BRAP: variants seen among roughly 807,000 people sequenced by gnomAD.
BRAP encodes the protein BRCA1 associated protein.
BRAP carries 42 observed loss-of-function variants against 73.4 expected under a neutral mutation model. That is an observed-to-expected ratio of 0.57 (90% CI 0.45 to 0.74). The LOEUF (loss-of-function observed/expected upper bound fraction) is 0.74, where lower values mean the gene tolerates loss of function less well. BRAP is among the 30% of genes least tolerant of loss of function. The pLI is 0.00. For synonymous variants in BRAP, 255 were observed against 267.4 expected (o/e 0.95, Z 0.45); for missense variants, 593 against 751.4 (o/e 0.79, Z 2.46).
intron 6 of BRAP, among the ~76,000 whole-genome samples, chr12:111,664,523 G>A (rs1006078326): frequency 5.3e-5 from 8 of 152,164 alleles, no homozygotes; most frequent in Admixed American, 3.9e-4. Flanking sequence ...AGGACTCCAC[G>A]GAATTGGAGC....
chr12:111,678,119 G>A (rs1566128533), intron 4 of BRAP, among the ~76,000 whole-genome samples: 2 of 151,992 alleles, frequency 1.3e-5, no homozygotes, highest in Non-Finnish European at 2.9e-5. Flanking sequence ...AGGCATGGTG[G>A]TGCATGCCTA....
At chr12:111,657,661 C>T (rs943710837) in intron 9 of BRAP, among the ~76,000 whole-genome samples, 1 of 151,994 alleles carries the variant, frequency 6.6e-6, no homozygotes, top group African/African-American at 2.4e-5. Flanking sequence ...AGGCGGACCA[C>T]GAGGTCAGGA....
chr12:111,664,873 T>C (rs1886882187), intron 6 of BRAP, among the ~76,000 whole-genome samples: 1 of 152,228 alleles, frequency 6.6e-6, no homozygotes. Flanking sequence ...ACTTCTCAGG[T>C]GGTCCTGGCT....
chr12:111,654,942 G>GT (rs1385828566), intron 10 of BRAP, among the ~76,000 whole-genome samples: 2 of 152,312 alleles, frequency 1.3e-5, no homozygotes, highest in Non-Finnish European at 1.5e-5. Context: ...ATGCTTACTA[G>GT]TTTTCAGACT....
intron 6 of BRAP, among the ~76,000 whole-genome samples, chr12:111,664,898 G>A (rs948072376): frequency 6.6e-6 from 1 of 152,128 alleles, no homozygotes; most frequent in Non-Finnish European, 1.5e-5. Flanking sequence ...TAGGGCCCCA[G>A]TTCTCAGTCC....
chr12:111,647,888 C>T (rs1478279259), intron 11 of BRAP, among the ~76,000 whole-genome samples: 1 of 147,844 alleles, frequency 6.8e-6, no homozygotes, highest in Non-Finnish European at 1.5e-5. Flanking sequence ...GAAACTCCGT[C>T]TCAAAAAAAA....
chr12:111,659,478 A>C, intron 7 of BRAP, 133 bp from the exon 8 acceptor site: 1 of 695,876 alleles, frequency 1.4e-6, no homozygotes, highest in Non-Finnish European at 2.2e-6. Flanking sequence ...ACATGATGAA[A>C]CCCCATCTCT....
Position 111,649,981 on chromosome 12 carries a change from T to G in BRAP, c.1373A>C (p.Lys458Thr). The G allele has an allele frequency of 6.2e-7, 1 of 1,612,508 alleles. No individual in the cohort carries two copies. The highest frequency in any genetic ancestry group is 8.5e-7 in the Non-Finnish European group (1 of 1,178,806). The part of the protein sequence containing the change: ...TIEKCDNLEH[K>T]LNDLLKEKQS... ...CTTTTCTTTTAGGAGATCATTTAGTTTGTGCTCTAGATTATCACACTTCTC... is the reference window on the plus strand; with the variant it reads ...CTTTTCTTTTAGGAGATCATTTAGTGTGTGCTCTAGATTATCACACTTCTC... Residue 458 changes from lysine (K) to threonine (T), a missense_variant, in exon 11 of 12, where the codon AAA becomes ACA. By Grantham distance (78) the Lys-to-Thr change is moderately conservative. This residue lies in a region of BRAP where 143 missense variants were observed against 190.4 expected (regional missense o/e 0.75). Coordinates refer to ENST00000419234, the MANE Select transcript of BRAP (RefSeq NM_006768.5).
intron 9 of BRAP, among the ~76,000 whole-genome samples, chr12:111,657,205 A>G (rs138957407): frequency 0.012 from 1,763 of 152,098 alleles, 16 homozygotes; most frequent in Non-Finnish European, 0.018. Flanking sequence ...CACCACACCC[A>G]ACTAATTTTT....
At chr12:111,667,861 G>A (rs1306864944) in intron 5 of BRAP, among the ~76,000 whole-genome samples, 3 of 151,812 alleles carry the variant, frequency 2.0e-5, no homozygotes, top group Non-Finnish European at 4.4e-5. Flanking sequence ...TGTGCTTTTT[G>A]AGAGGCCATT....
At chr12:111,676,686 G>A (rs1887393950) in intron 4 of BRAP, among the ~76,000 whole-genome samples, 3 of 152,268 alleles carry the variant, frequency 2.0e-5, no homozygotes, top group Admixed American at 2.0e-4. Flanking sequence ...AAAGTGCTGG[G>A]ATTAAAGGCA....
At chr12:111,644,617 C>T (rs1332987791) in intron 11 of BRAP, 55 bp from the exon 12 acceptor site, 2 of 1,578,644 alleles carry the variant, frequency 1.3e-6, no homozygotes, top group East Asian at 2.2e-5. Flanking sequence ...GACACAGTCC[C>T]CTTTCTGCTC....
At position 111,644,007 on chromosome 12, in the gene BRAP, C is replaced by G; in HGVS notation, c.*192G>C. ...CTTAAGACCTTTTCGAACGCAGCGC[C>G]TTTCTATCAGCTCTCCAGTCAGCAC... On this transcript the variant is annotated 3_prime_UTR_variant, in exon 12 of 12. Coordinates refer to ENST00000419234, the MANE Select transcript of BRAP (RefSeq NM_006768.5). 1 of 908,342 alleles carries G rather than the reference C, an allele frequency of 1.1e-6. No homozygotes were observed. Among genetic ancestry groups the G allele is most frequent in the Non-Finnish European group, 1.6e-6 (1 of 626,572 alleles). 56.3% of individuals were successfully genotyped at this position (908,342 alleles called of 1,614,324 possible).
chr12:111,669,007 C>T (rs1887067189), intron 5 of BRAP, among the ~76,000 whole-genome samples: 1 of 152,040 alleles, frequency 6.6e-6, no homozygotes, highest in Non-Finnish European at 1.5e-5. Flanking sequence ...CAATGCAATA[C>T]CTACTTTATG....
intron 4 of BRAP, among the ~76,000 whole-genome samples, chr12:111,677,527 TAAC>T (rs1887430517): frequency 6.6e-6 from 1 of 152,156 alleles, no homozygotes; most frequent in Non-Finnish European, 1.5e-5. Context: ...AAAACAAAGA[TAAC>T]AACACAGTTT....
chr12:111,685,826 G>T lies in BRAP; in HGVS notation c.-34C>A. 1 of 1,504,082 alleles carries T rather than the reference G, an allele frequency of 6.6e-7. No individual in the cohort carries two copies. Among genetic ancestry groups the T allele is most frequent in the Non-Finnish European group, 8.9e-7 (1 of 1,127,382 alleles). The allele number at this position is 1,504,082 out of a possible 1,614,324, so 93.2% of individuals were successfully genotyped here. A position where few individuals can be genotyped will look rare whatever the true frequency, so the allele number is the denominator to read the frequency against. On this transcript the variant is annotated 5_prime_UTR_variant, in exon 1 of 12. Coordinates refer to ENST00000419234, the MANE Select transcript of BRAP (RefSeq NM_006768.5). ...CGCTGGCCGGCGCGGGCCCCGGCGG[G>T]CTCAGGCGAGGCTGGAAGGCGAGCC...
At chr12:111,674,406 C>A (rs1021896443) in intron 4 of BRAP, among the ~76,000 whole-genome samples, 2 of 152,174 alleles carry the variant, frequency 1.3e-5, no homozygotes, top group Non-Finnish European at 2.9e-5. Flanking sequence ...CCACACCCAG[C>A]TAATTTTTTG....
chr12:111,658,710 G>A (rs1886625623), intron 9 of BRAP, 26 bp downstream of exon 9: 1 of 1,405,976 alleles, frequency 7.1e-7, no homozygotes, highest in African/African-American at 1.4e-5. Flanking sequence ...GAAACAGATA[G>A]AGTGATAACT....
chr12:111,669,301 C>T (rs1413737309), intron 5 of BRAP, among the ~76,000 whole-genome samples: 2 of 151,414 alleles, frequency 1.3e-5, no homozygotes, highest in Non-Finnish European at 2.9e-5. Flanking sequence ...GTGATCTTGG[C>T]TCACCGCAAC....
Sources: allele counts gnomAD v4.1 joint callset (sites outside exome capture counted in the v4.1 genomes callset), GRCh38; gene constraint gnomAD v4.1.1; regional missense constraint gnomAD v4.1.1; transcripts MANE v1.5; gene names NCBI Gene and HGNC (gene_info 2026-07-23, HGNC 2026-07-21).